AGBL4: variants seen among roughly 807,000 people sequenced by gnomAD.
The protein encoded by AGBL4 is AGBL carboxypeptidase 4, also known as cytosolic carboxypeptidase 6.
In AGBL4, 58 loss-of-function variants were observed where a neutral mutation model predicts 66.4. That is an observed-to-expected ratio of 0.87 (90% confidence interval 0.71 to 1.09). The LOEUF (loss-of-function observed/expected upper bound fraction) is 1.09, where lower values mean the gene tolerates loss of function less well. AGBL4 is among the 50% of genes least tolerant of loss of function. The pLI is 0.00. For missense variants in AGBL4, 579 were observed against 631.0 expected, an observed-to-expected ratio of 0.92 and a Z score of 0.88; for synonymous variants, 234 against 222.9, an observed-to-expected ratio of 1.05 and a Z score of -0.44.
chr1:49,236,276 C>T (rs1176179954), intron 4 of AGBL4, among the ~76,000 whole-genome samples: 2 of 152,090 alleles, frequency 1.3e-5, no homozygotes, highest in East Asian at 1.9e-4. Context: ...GATCCACCCT[C>T]CTTGGTCTCC....
chr1:49,849,433 T>TTAC (rs57268104), intron 2 of AGBL4, among the ~76,000 whole-genome samples: 3 of 144,924 alleles, frequency 2.1e-5, no homozygotes, highest in African/African-American at 7.6e-5. Context: ...ATTATTATTA[T>TTAC]GTATATTCTG....
chr1:48,714,768 G>A lies in AGBL4; in HGVS notation c.635-51527C>T, dbSNP rs951031118. On this transcript the variant is annotated intron_variant, in intron 6 of 13. Transcript: ENST00000371839. ...GTGTGCCCCAGCAGGTCCTAGCCCCGACCACCTGTGCAGGTCCTCCAGCAG... is the reference window on the plus strand; with the variant it reads ...GTGTGCCCCAGCAGGTCCTAGCCCCAACCACCTGTGCAGGTCCTCCAGCAG... Among the ~76,000 whole-genome samples the A allele has an allele frequency of 2.0e-5, 3 of 152,236 alleles. No homozygotes were observed. The South Asian group carries it at 6.2e-4, about 32-fold the overall frequency.
At chr1:49,080,156 C>T (rs1408516573) in intron 4 of AGBL4, among the ~76,000 whole-genome samples, 1 of 152,076 alleles carries the variant, frequency 6.6e-6, no homozygotes, top group Non-Finnish European at 1.5e-5. Flanking sequence ...AAACAACCAA[C>T]AAAAACACAA....
chr1:49,151,281 A>AAAT (rs1553160471), intron 4 of AGBL4, among the ~76,000 whole-genome samples: 46 of 143,194 alleles, frequency 3.2e-4, no homozygotes, highest in African/African-American at 1.1e-3. Flanking sequence ...AAAAAAAAAA[A>AAAT]ATATATATAT....
At chr1:49,674,571 TACACACACACACAC>T (rs139707283) in intron 3 of AGBL4, among the ~76,000 whole-genome samples, 13 of 143,754 alleles carry the variant, frequency 9.0e-5, no homozygotes, top group African/African-American at 1.5e-4. Context: ...AAGAATAAAA[TACACACACACACAC>T]ACACACACAC....
intron 3 of AGBL4, among the ~76,000 whole-genome samples, chr1:49,416,828 A>G (rs531993916): frequency 6.6e-6 from 1 of 152,130 alleles, no homozygotes; most frequent in South Asian, 2.1e-4. Flanking sequence ...AGTATTTATT[A>G]TATGGGCATG....
chr1:49,042,412 C>A (rs1643967470), intron 5 of AGBL4, among the ~76,000 whole-genome samples: 1 of 152,150 alleles, frequency 6.6e-6, no homozygotes, highest in Non-Finnish European at 1.5e-5. Context: ...CCCTCAATAT[C>A]AATTCTCCCA....
At chr1:48,547,850 T>G (rs1644189412) in intron 11 of AGBL4, among the ~76,000 whole-genome samples, 2 of 152,104 alleles carry the variant, frequency 1.3e-5, no homozygotes, top group Non-Finnish European at 1.5e-5. Flanking sequence ...AATGTGGTTT[T>G]CATCATTAAC....
chr1:49,602,286 C>T (rs1055350810), intron 3 of AGBL4, among the ~76,000 whole-genome samples: 26 of 152,000 alleles, frequency 1.7e-4, no homozygotes, highest in South Asian at 4.1e-4. Context: ...GACAGTGTGG[C>T]GATTCCTCAA....
intron 2 of AGBL4, among the ~76,000 whole-genome samples, chr1:49,806,533 G>T (rs948114393): frequency 1.3e-5 from 2 of 152,110 alleles, no homozygotes; most frequent in African/African-American, 2.4e-5. Context: ...AAATGAAGCA[G>T]AACTTAAAGA....
At chr1:49,889,601 A>G (rs1414837458) in intron 1 of AGBL4, among the ~76,000 whole-genome samples, 3 of 151,062 alleles carry the variant, frequency 2.0e-5, no homozygotes, top group Non-Finnish European at 4.4e-5. Context: ...CTAAAAATAC[A>G]AAAAAAATAG....
chr1:49,765,327 C>G (rs1295986360), intron 2 of AGBL4, among the ~76,000 whole-genome samples: 1 of 152,012 alleles, frequency 6.6e-6, no homozygotes, highest in Non-Finnish European at 1.5e-5. Flanking sequence ...AACCTGCCAA[C>G]AGAAGTTCAC....
chr1:48,717,535 C>T (rs1182303392), intron 6 of AGBL4, among the ~76,000 whole-genome samples: 10 of 152,000 alleles, frequency 6.6e-5, no homozygotes, highest in South Asian at 6.2e-4. Flanking sequence ...TGTGTGTGTG[C>T]GCGCGTGCAT....
intron 6 of AGBL4, among the ~76,000 whole-genome samples, chr1:48,836,473 C>G (rs1485866168): frequency 1.3e-5 from 2 of 152,032 alleles, no homozygotes; most frequent in Non-Finnish European, 2.9e-5. Flanking sequence ...GGGAATGATA[C>G]TCATGCCAGT....
rs193179147 is a variant in AGBL4, at chr1:49,582,233, T to G, written c.282+115080A>C. Among the ~76,000 whole-genome samples the G allele has an allele frequency of 5.4e-3, 818 of 152,282 alleles. 3 individuals carry two copies. The highest frequency in any genetic ancestry group is 8.6e-3 in the Admixed American group (132 of 15,290). On this transcript the variant is annotated intron_variant, in intron 3 of 13. Transcript: ENST00000371839. ...CTTGGGCCTCCTGATGGCAAGTGCA[T>G]GCATCAGCCATGACAGTTATGGGGC...
chr1:49,101,815 A>C lies in AGBL4; in HGVS notation c.378-56015T>G, dbSNP rs562723319. ...AAACAGACTGCCTCTAGGCTGCCCC[A>C]TAGCAAATTGATTCCTGTGGGATAT... On this transcript the variant is annotated intron_variant, in intron 4 of 13. Transcript: ENST00000371839. Among the ~76,000 whole-genome samples, 6 of 152,288 alleles carry C rather than the reference A, an allele frequency of 3.9e-5. No individual in the cohort carries two copies. The South Asian group carries it at 1.2e-3, about 32-fold the overall frequency.
chr1:49,232,776 T>C (rs532693774), intron 4 of AGBL4, among the ~76,000 whole-genome samples: 20 of 150,400 alleles, frequency 1.3e-4, no homozygotes, highest in African/African-American at 4.1e-4. Flanking sequence ...TTGTTAATCA[T>C]AAATAAATTT....
chr1:49,106,194 G>A (rs143974568), intron 4 of AGBL4, among the ~76,000 whole-genome samples: 1 of 152,184 alleles, frequency 6.6e-6, no homozygotes, highest in Non-Finnish European at 1.5e-5. Flanking sequence ...TATCCATAAC[G>A]GGCAGTGAAT....
At chr1:49,332,398 G>A (rs1347006632) in intron 3 of AGBL4, among the ~76,000 whole-genome samples, 1 of 152,152 alleles carries the variant, frequency 6.6e-6, no homozygotes, top group African/African-American at 2.4e-5. Flanking sequence ...TCATAGGTGA[G>A]TTATAACCAA....
Sources: gnomAD v4.1 joint callset for allele counts (sites outside exome capture counted in the v4.1 genomes callset) on GRCh38, gnomAD v4.1.1 for gene constraint, MANE v1.5 for transcripts, NCBI Gene and HGNC (gene_info 2026-07-23, HGNC 2026-07-21) for gene names.